The following CNTNAP2 variants were observed in gnomAD, a reference collection of about 807,000 sequenced individuals.
The protein encoded by CNTNAP2 is contactin-associated protein-like 2.
In CNTNAP2, 98 loss-of-function variants were observed where a neutral mutation model predicts 155.2. The ratio of observed to expected loss-of-function variants is 0.63; its 90% CI spans 0.54 to 0.75. The LOEUF is 0.75. CNTNAP2 is among the 30% of genes least tolerant of loss of function. CNTNAP2 has a pLI of 0.00. For missense variants in CNTNAP2, 1,727 were observed against 1,688.1 expected (o/e 1.02, Z -0.40); for synonymous variants, 651 against 631.2 (o/e 1.03, Z -0.47).
intron 13 of CNTNAP2, among the ~76,000 whole-genome samples, chr7:147,782,345 C>T (rs571281329): frequency 1.9e-4 from 29 of 152,310 alleles, no homozygotes; most frequent in East Asian, 1.3e-3. Context: ...GCAGCCAAGG[C>T]ATTCTATTTG....
chr7:146,328,808 C>T (rs948972653), intron 1 of CNTNAP2, among the ~76,000 whole-genome samples: 6 of 152,170 alleles, frequency 3.9e-5, no homozygotes, highest in African/African-American at 1.2e-4. Context: ...CTGTGCCTGG[C>T]TTATTTCACT....
intron 1 of CNTNAP2, among the ~76,000 whole-genome samples, chr7:146,161,846 G>A (rs1204993838): frequency 2.6e-5 from 4 of 152,142 alleles, no homozygotes; most frequent in African/African-American, 9.7e-5. Context: ...AGAGCCCTCA[G>A]AAATAATACC....
At chr7:146,493,621 A>T (rs1263198371) in intron 1 of CNTNAP2, among the ~76,000 whole-genome samples, 1 of 152,138 alleles carries the variant, frequency 6.6e-6, no homozygotes, top group Non-Finnish European at 1.5e-5. Flanking sequence ...TACAAAATCA[A>T]TAAAGAGCAA....
rs193007568 is a variant in CNTNAP2 at position 147,795,501 on chromosome 7, G to A, written c.2099-108064G>A. Among the ~76,000 whole-genome samples the A allele has an allele frequency of 7.8e-3, 1,175 of 151,350 alleles. 11 individuals carry two copies. The highest frequency in any genetic ancestry group is 0.028 in the South Asian group (135 of 4,818). The stretch of plus-strand genomic sequence containing the variant: ...TTTCTAATTTTATTTGTCAGCTTTC[G>A]TTGGTTTCAGGTGTTCAGGTGGTAA... On this transcript the variant is annotated intron_variant, in intron 13 of 23. Coordinates refer to ENST00000361727, the MANE Select transcript of CNTNAP2 (RefSeq NM_014141.6).
intron 13 of CNTNAP2, among the ~76,000 whole-genome samples, chr7:147,892,396 T>C (rs2116732960): frequency 6.6e-6 from 1 of 152,314 alleles, no homozygotes; most frequent in East Asian, 1.9e-4. Flanking sequence ...AAATAGCATA[T>C]GTTTCCATTC....
In CNTNAP2 at chr7:147,300,223, T is replaced by C. The variant is rs1794918046; in HGVS notation, c.1431T>C (p.Asp477=). The change falls in exon 9 of 24, where the codon GAT becomes GAC. Residue 477 remains aspartate, a synonymous_variant. Coordinates refer to ENST00000361727, the MANE Select transcript of CNTNAP2 (RefSeq NM_014141.6). The part of the protein sequence containing the change: ...ENFAILTIDG[D]EASAVRTNSP... Reference sequence around the variant, plus strand: ...TTGCTATTCTCACCATCGATGGAGATGAAGCATCAGCAGTTCGAACTAATA... The same window carrying C: ...TTGCTATTCTCACCATCGATGGAGACGAAGCATCAGCAGTTCGAACTAATA... 3 of 1,614,008 alleles carry C rather than the reference T, an allele frequency of 1.9e-6. No homozygotes were observed. Among genetic ancestry groups the C allele is most frequent in the Non-Finnish European group, 1.7e-6 (2 of 1,179,942 alleles).
At position 146,978,284 on chromosome 7, in the gene CNTNAP2, T is replaced by C. The variant is rs1797951503; in HGVS notation, c.403-65623T>C. 1.3e-5 allele frequency among the ~76,000 whole-genome samples: 2 copies of C among 152,108 alleles called. 1 individual carries two copies. Among genetic ancestry groups the C allele is most frequent in the African/African-American group, 4.8e-5 (2 of 41,412 alleles). ...CATCTCACTGCAAGTGATAAGGTGG[T>C]TCAGTGTTTAACCAAAGATCATGGC... On this transcript the variant is annotated intron_variant, in intron 3 of 23. Transcript: ENST00000361727.
chr7:147,910,463 A>T (rs1800041636), intron 14 of CNTNAP2, among the ~76,000 whole-genome samples: 1 of 152,206 alleles, frequency 6.6e-6, no homozygotes, highest in Non-Finnish European at 1.5e-5. Flanking sequence ...TAGAGCAGAG[A>T]TTCAAACTCG....
chr7:147,401,038 G>A (rs1268297326), intron 10 of CNTNAP2, among the ~76,000 whole-genome samples: 2 of 152,082 alleles, frequency 1.3e-5, no homozygotes, highest in African/African-American at 2.4e-5. Flanking sequence ...AGTGTATTAA[G>A]TTGCATTTTA....
At chr7:146,232,247 C>A (rs933512592) in intron 1 of CNTNAP2, among the ~76,000 whole-genome samples, 1 of 150,766 alleles carries the variant, frequency 6.6e-6, no homozygotes, top group Non-Finnish European at 1.5e-5. Context: ...AGAAAAGATG[C>A]CCTGAATGCC....
chr7:147,029,307 A>G (rs1453989373), intron 3 of CNTNAP2, among the ~76,000 whole-genome samples: 1 of 152,048 alleles, frequency 6.6e-6, no homozygotes, highest in African/African-American at 2.4e-5. Context: ...GAAGATGACT[A>G]AGGGAGATAT....
chr7:146,753,624 C>T (rs944464183), intron 1 of CNTNAP2, among the ~76,000 whole-genome samples: 1 of 152,002 alleles, frequency 6.6e-6, no homozygotes, highest in East Asian at 1.9e-4. Context: ...CAAAGCAATA[C>T]AAATTCCTTA....
At chr7:146,827,515 A>G (rs1355234545) in intron 2 of CNTNAP2, among the ~76,000 whole-genome samples, 1 of 138,134 alleles carries the variant, frequency 7.2e-6, no homozygotes, top group African/African-American at 2.8e-5. Flanking sequence ...TTTTTTTTTT[A>G]TATCAGAGAG....
rs568671064 is a variant in CNTNAP2 at position 148,013,447 on chromosome 7, A to T, written c.2383+35458A>T. Reference sequence around the variant, plus strand: ...AAAACCTCATTCTTCCAGAATGGCTACCACAGTCCCAGGCATCACCTGGAG... The same window carrying T: ...AAAACCTCATTCTTCCAGAATGGCTTCCACAGTCCCAGGCATCACCTGGAG... On this transcript the variant is annotated intron_variant, in intron 15 of 23. Coordinates refer to ENST00000361727, the MANE Select transcript of CNTNAP2 (RefSeq NM_014141.6). 2.0e-5 allele frequency among the ~76,000 whole-genome samples: 3 copies of T among 152,330 alleles called. No individual in the cohort carries two copies. In the East Asian group the frequency reaches 5.8e-4, roughly 29 times the overall value.
intron 1 of CNTNAP2, among the ~76,000 whole-genome samples, chr7:146,222,952 C>G (rs562843880): frequency 6.6e-6 from 1 of 152,142 alleles, no homozygotes; most frequent in African/African-American, 2.4e-5. Context: ...AGCCACCGCA[C>G]CTGGCCAGGA....
chr7:147,499,865 C>T (rs1798779400), intron 11 of CNTNAP2, among the ~76,000 whole-genome samples: 1 of 152,118 alleles, frequency 6.6e-6, no homozygotes, highest in Non-Finnish European at 1.5e-5. Context: ...GTGTTTCTAG[C>T]TCTGTGCTTT....
At chr7:148,275,043 A>G (rs1353635218) in intron 21 of CNTNAP2, among the ~76,000 whole-genome samples, 1 of 152,210 alleles carries the variant, frequency 6.6e-6, no homozygotes, top group Non-Finnish European at 1.5e-5. Flanking sequence ...GTCAGATGCC[A>G]GGCATTGTAT....
intron 15 of CNTNAP2, among the ~76,000 whole-genome samples, chr7:148,115,531 T>C (rs528898956): frequency 6.6e-6 from 1 of 152,310 alleles, no homozygotes; most frequent in South Asian, 2.1e-4. Flanking sequence ...CCAATTAGGA[T>C]GAGCTGAATC....
intron 1 of CNTNAP2, among the ~76,000 whole-genome samples, chr7:146,281,741 G>A (rs1038185297): frequency 2.6e-5 from 4 of 151,636 alleles, no homozygotes; most frequent in Admixed American, 1.3e-4. Context: ...GTTGCAGTGA[G>A]CCAAGATCTC....
Sources: allele counts gnomAD v4.1 joint callset (sites outside exome capture counted in the v4.1 genomes callset), GRCh38; gene constraint gnomAD v4.1.1; transcripts MANE v1.5; gene names NCBI Gene and HGNC (gene_info 2026-07-23, HGNC 2026-07-21).